Variants in CLIP1 observed in about 807,000 individuals in gnomAD.
CLIP1 encodes CAP-Gly domain containing linker protein 1.
CLIP1 carries 66 observed loss-of-function variants against 161.6 expected under a neutral mutation model. The ratio of observed to expected loss-of-function variants is 0.41; its 90% CI spans 0.33 to 0.50. CLIP1 has a LOEUF of 0.50. Among genes scored for constraint, CLIP1 ranks in the 20% least tolerant of loss-of-function variants. The pLI is 0.27. For missense variants in CLIP1, 1,376 were observed against 1,702.0 expected, an observed-to-expected ratio of 0.81 and a Z score of 3.37; for synonymous variants, 598 against 626.2, an observed-to-expected ratio of 0.96 and a Z score of 0.67.
At chr12:122,379,943 TTAAAA>T (rs142403254) in intron 2 of CLIP1, among the ~76,000 whole-genome samples, 29,088 of 70,312 alleles carry the variant, frequency 0.41, 4,158 homozygotes, top group Admixed American at 0.52. Context: ...GACTCCATCT[TTAAAA>T]AAAAAAAAAA....
chr12:122,379,317 A>AC (rs1429874376), intron 2 of CLIP1, among the ~76,000 whole-genome samples: 15 of 151,074 alleles, frequency 9.9e-5, no homozygotes, highest in South Asian at 2.1e-4. Context: ...CAAAAAAAAA[A>AC]AAAAACAAAA....
At chr12:122,390,292 ATATATATATATG>A (rs1192141027) in intron 1 of CLIP1, among the ~76,000 whole-genome samples, 2 of 132,842 alleles carry the variant, frequency 1.5e-5, no homozygotes, top group African/African-American at 5.7e-5. Flanking sequence ...ATATATATAT[ATATATATATATG>A]TATATATATA....
At chr12:122,358,796 C>T (rs1953634571) in intron 5 of CLIP1, among the ~76,000 whole-genome samples, 1 of 151,264 alleles carries the variant, frequency 6.6e-6, no homozygotes, top group African/African-American at 2.4e-5. Flanking sequence ...GCTCACGCCT[C>T]ATGCCTGTAA....
chr12:122,422,456 G>C (rs1279663778), intron 1 of CLIP1, 65 bp downstream of exon 1: 4 of 151,556 alleles, frequency 2.6e-5, no homozygotes, highest in African/African-American at 4.8e-5. Flanking sequence ...CCCGCAGGCC[G>C]GGAAGCCGGC....
chr12:122,306,487 T>C (rs1158730254), intron 20 of CLIP1, among the ~76,000 whole-genome samples: 1 of 152,166 alleles, frequency 6.6e-6, no homozygotes, highest in Non-Finnish European at 1.5e-5. Flanking sequence ...TCGTGCTCTA[T>C]GATTCCTACT....
chr12:122,294,333 A>AAC, intron 20 of CLIP1, among the ~76,000 whole-genome samples: 1 of 143,882 alleles, frequency 7.0e-6, no homozygotes, highest in South Asian at 2.2e-4. Flanking sequence ...TGTCTCAAAA[A>AAC]AAAAAAAAAA....
chr12:122,390,210 AC>A (rs1348030314), intron 1 of CLIP1, among the ~76,000 whole-genome samples: 128 of 116,068 alleles, frequency 1.1e-3, no homozygotes, highest in East Asian at 7.2e-3. Flanking sequence ...ATATATATAC[AC>A]ACATATATAT....
intron 2 of CLIP1, among the ~76,000 whole-genome samples, chr12:122,379,319 AAAAC>A (rs1954894723): frequency 6.6e-6 from 1 of 151,388 alleles, no homozygotes; most frequent in Admixed American, 6.6e-5. Flanking sequence ...AAAAAAAAAA[AAAAC>A]AAAAACCAGG....
chr12:122,338,014 C>CA (rs546569199), intron 11 of CLIP1, among the ~76,000 whole-genome samples: 19,161 of 110,766 alleles, frequency 0.17, 1,587 homozygotes, highest in East Asian at 0.5. Context: ...GACTCTGTCT[C>CA]AAAAAAAAAA....
In CLIP1 at chr12:122,309,830, G is replaced by A. The variant is rs1400778162; in HGVS notation, c.3526C>T (p.Gln1176Ter). 6.2e-7 allele frequency: 1 copy of A among 1,613,874 alleles called. No homozygotes were observed. Among genetic ancestry groups the A allele is most frequent in the Non-Finnish European group, 8.5e-7 (1 of 1,180,018 alleles). Reference sequence around the variant, plus strand: ...TCAGCAAGTTTAACGTTCTCTTCTTGCAACGCTGAAAGCTGCTGGGACTTC... The same window carrying A: ...TCAGCAAGTTTAACGTTCTCTTCTTACAACGCTGAAAGCTGCTGGGACTTC... ...AQKSQQLSALQEENVKLAEEL... is the reference protein window; with the variant it reads ...AQKSQQLSAL The change falls in exon 20 of 26, where the codon CAA becomes TAA. Residue 1176 changes from glutamine (Q) to a stop codon, truncating the protein, a stop_gained. Transcript: ENST00000620786. LOFTEE classifies it high-confidence loss of function.
chr12:122,393,693 C>T (rs1319535555), intron 1 of CLIP1, among the ~76,000 whole-genome samples: 1 of 151,924 alleles, frequency 6.6e-6, no homozygotes, highest in African/African-American at 2.4e-5. Flanking sequence ...AGACAGATCA[C>T]CTGAGGTCAG....
intron 3 of CLIP1, among the ~76,000 whole-genome samples, chr12:122,374,186 A>C (rs1379267088): frequency 1.3e-5 from 2 of 151,764 alleles, no homozygotes; most frequent in Admixed American, 1.3e-4. Context: ...AAATACAAAA[A>C]TTAGGCTGGG....
At chr12:122,383,132 G>A (rs1217538521) in intron 1 of CLIP1, among the ~76,000 whole-genome samples, 1 of 152,104 alleles carries the variant, frequency 6.6e-6, no homozygotes, top group East Asian at 1.9e-4. Context: ...AATTCCCTAG[G>A]GCCTTCCCTA....
intron 15 of CLIP1, among the ~76,000 whole-genome samples, chr12:122,329,047 G>C (rs1452899179): frequency 6.6e-6 from 1 of 152,144 alleles, no homozygotes; most frequent in Non-Finnish European, 1.5e-5. Flanking sequence ...AAGGAAACGA[G>C]ACCAGGCAGT....
intron 1 of CLIP1, among the ~76,000 whole-genome samples, chr12:122,414,471 G>A (rs904482992): frequency 6.6e-6 from 1 of 151,220 alleles, no homozygotes; most frequent in Non-Finnish European, 1.5e-5. Flanking sequence ...TTGTTTTGTT[G>A]TTTCTTTTTT....
At chr12:122,350,475 A>G (rs1375674442) in intron 9 of CLIP1, among the ~76,000 whole-genome samples, 1 of 152,182 alleles carries the variant, frequency 6.6e-6, no homozygotes, top group Non-Finnish European at 1.5e-5. Context: ...CACTTCGGTA[A>G]TAACAATTTA....
At chr12:122,308,693 T>A (rs1033695140) in intron 20 of CLIP1, among the ~76,000 whole-genome samples, 8 of 152,238 alleles carry the variant, frequency 5.3e-5, no homozygotes, top group African/African-American at 1.9e-4. Flanking sequence ...CGATGACAGC[T>A]AGCACTTATT....
chr12:122,362,506 T>C (rs1200281700), intron 4 of CLIP1, among the ~76,000 whole-genome samples: 1 of 150,358 alleles, frequency 6.7e-6, no homozygotes, highest in Non-Finnish European at 1.5e-5. Context: ...CTGGGCGTGG[T>C]GGTGTGTGTC....
At chr12:122,301,250 C>T (rs980710459) in intron 20 of CLIP1, among the ~76,000 whole-genome samples, 1 of 152,132 alleles carries the variant, frequency 6.6e-6, no homozygotes, top group Non-Finnish European at 1.5e-5. Context: ...ACTGTTGTAT[C>T]GAGGTTAAAC....
Sources: allele counts gnomAD v4.1 joint callset (sites outside exome capture counted in the v4.1 genomes callset), GRCh38; gene constraint gnomAD v4.1.1; transcripts MANE v1.5; gene names NCBI Gene and HGNC (gene_info 2026-07-23, HGNC 2026-07-21).